The following KRAS variants were observed in gnomAD, a reference collection of about 807,000 sequenced individuals.
The protein encoded by KRAS is GTPase KRas.
In KRAS, 1 loss-of-function variant was observed where a neutral mutation model predicts 21.0. The observed-to-expected ratio is 0.05, with a 90% CI of 0.02 to 0.23. KRAS has a LOEUF of 0.23. Ranked by LOEUF, KRAS falls within the 10% of genes least tolerant of loss-of-function variation. The probability of loss-of-function intolerance (pLI) is 1.00; values close to 1 mark genes in which losing one functional copy is unlikely to be tolerated. For missense variants in KRAS, 107 were observed against 221.8 expected, an observed-to-expected ratio of 0.48 and a Z score of 3.29; for synonymous variants, 67 against 72.5, an observed-to-expected ratio of 0.92 and a Z score of 0.39.
chr12:25,218,037 A>G (rs1263447219), intron 4 of KRAS, among the ~76,000 whole-genome samples: 1 of 152,236 alleles, frequency 6.6e-6, no homozygotes, highest in Non-Finnish European at 1.5e-5. Context: ...TTAAGGCACT[A>G]AAATAACTTT....
intron 2 of KRAS, among the ~76,000 whole-genome samples, chr12:25,231,469 G>A (rs1951469763): frequency 6.6e-6 from 1 of 152,060 alleles, no homozygotes; most frequent in African/African-American, 2.4e-5. Flanking sequence ...TAGGTCCTAA[G>A]CATTTCAGAT....
chr12:25,228,601 G>C (rs1277216835), intron 2 of KRAS, among the ~76,000 whole-genome samples: 1 of 152,080 alleles, frequency 6.6e-6, no homozygotes, highest in Non-Finnish European at 1.5e-5. Flanking sequence ...GATTACCAGG[G>C]GCTGGGGGAG....
chr12:25,237,102 G>A (rs1282309269), intron 2 of KRAS, among the ~76,000 whole-genome samples: 2 of 152,100 alleles, frequency 1.3e-5, no homozygotes, highest in South Asian at 2.1e-4. Flanking sequence ...AAACATAGAC[G>A]AACTCTGAAA....
rs1353686861 is a variant in KRAS at position 25,206,828 on chromosome 12, T to G, written c.*2967A>C. On this transcript the variant is annotated 3_prime_UTR_variant, in exon 5 of 5. Coordinates refer to ENST00000311936, the MANE Select transcript of KRAS (RefSeq NM_004985.5). ...TTTTTAAGTATATTTTAATTACTTA[T>G]GCAGAGAAAACTGGAATATTACACA... 5.0e-6 allele frequency: 1 copy of G among 199,036 alleles called. No homozygotes were observed. Among genetic ancestry groups the G allele is most frequent in the Non-Finnish European group, 1.0e-5 (1 of 96,414 alleles). 12.3% of individuals were successfully genotyped at this position (199,036 alleles called of 1,614,324 possible). A position where few individuals can be genotyped will look rare whatever the true frequency, so the allele number is the denominator to read the frequency against.
intron 1 of KRAS, among the ~76,000 whole-genome samples, chr12:25,247,860 G>A (rs1396353712): frequency 6.6e-6 from 1 of 151,996 alleles, no homozygotes; most frequent in African/African-American, 2.4e-5. Flanking sequence ...ACTTTTCTAA[G>A]TTTTGGTTTT....
rs1266271294 is a variant in KRAS, at chr12:25,250,885, A to ACTGCCGCCGCCGCCG, written c.-147_-146insCGGCGGCGGCGGCAG. 1.6e-5 allele frequency: 4 copies of ACTGCCGCCGCCGCCG among 244,612 alleles called. No homozygotes were observed. The highest frequency in any genetic ancestry group is 6.8e-5 in the African/African-American group (3 of 43,836). The allele number at this position is 244,612 out of a possible 1,614,324, so 15.2% of individuals were successfully genotyped here. ...AGCCGCCGCCACCTTCGCCGCCGCC[A>ACTGCCGCCGCCGCCG]CTGCCGCCGCCGCTGCTGCCTCCGC... On this transcript the variant is annotated 5_prime_UTR_variant, in exon 1 of 5. Transcript: ENST00000311936.
rs907034140 is a variant in KRAS at position 25,205,824 on chromosome 12, A to C, written c.*3971T>G. On this transcript the variant is annotated 3_prime_UTR_variant, in exon 5 of 5. Transcript: ENST00000311936. ...AAACACAGATCTTAATCTAGTTATG[A>C]CTATTCTTCAAGAACTCATGTGAGT... 1 of 215,048 alleles carries C rather than the reference A, an allele frequency of 4.7e-6. No homozygotes were observed. Among genetic ancestry groups the C allele is most frequent in the Non-Finnish European group, 9.4e-6 (1 of 106,650 alleles). 13.3% of individuals were successfully genotyped at this position (215,048 alleles called of 1,614,324 possible). A position where few individuals can be genotyped will look rare whatever the true frequency, so the allele number is the denominator to read the frequency against.
At chr12:25,217,315 T>G (rs4246231) in intron 4 of KRAS, among the ~76,000 whole-genome samples, 152,056 of 152,306 alleles carry the variant, frequency 1, 75,904 homozygotes, top group Non-Finnish European at 1. Flanking sequence ...AATCTCAGAA[T>G]TATATTAAGA....
chr12:25,231,904 G>A (rs11047909), intron 2 of KRAS, among the ~76,000 whole-genome samples: 54,725 of 151,882 alleles, frequency 0.36, 11,696 homozygotes, highest in East Asian at 0.79. Context: ...GAAAACAAAC[G>A]CAACAAAAAT....
At position 25,209,385 on chromosome 12, in the gene KRAS, G is replaced by A; in HGVS notation, c.*410C>T. On this transcript the variant is annotated 3_prime_UTR_variant, in exon 5 of 5. Transcript: ENST00000311936. ...TGTTTCAGTAAAAACCAATTAGAAG[G>A]TCTCAACTGAAATTAGTAATTAATC... 1.4e-6 allele frequency: 1 copy of A among 716,890 alleles called. No individual in the cohort carries two copies. Among genetic ancestry groups the A allele is most frequent in the Non-Finnish European group, 2.1e-6 (1 of 479,680 alleles). 44.4% of individuals were successfully genotyped at this position (716,890 alleles called of 1,614,324 possible).
intron 2 of KRAS, among the ~76,000 whole-genome samples, chr12:25,242,558 T>C (rs557480566): frequency 2.0e-5 from 3 of 152,222 alleles, no homozygotes; most frequent in African/African-American, 4.8e-5. Context: ...GATAACAATA[T>C]ATACTTCACA....
intron 4 of KRAS, among the ~76,000 whole-genome samples, chr12:25,214,386 AC>A (rs1951231427): frequency 1.6e-5 from 1 of 63,580 alleles, no homozygotes; most frequent in African/African-American, 5.9e-5. Flanking sequence ...AGCTAAAATG[AC>A]TTTTTTTTTT....
Position 25,208,100 on chromosome 12 carries a change from TAC to T in KRAS, c.*1693_*1694del, listed in dbSNP as rs1017405488. 2 of 233,316 alleles carry T rather than the reference TAC, an allele frequency of 8.6e-6. No homozygotes were observed. The highest frequency in any genetic ancestry group is 1.7e-5 in the Non-Finnish European group (2 of 117,980). The allele number at this position is 233,316 out of a possible 1,614,324, so 14.5% of individuals were successfully genotyped here. A position where few individuals can be genotyped will look rare whatever the true frequency, so the allele number is the denominator to read the frequency against. ...GATGGTGTAACATAGGTTAAAAATTTACAGATTGTGCTGAGCTTGACAAATAA... is the reference window on the plus strand; with the variant it reads ...GATGGTGTAACATAGGTTAAAAATTTAGATTGTGCTGAGCTTGACAAATAA... On this transcript the variant is annotated 3_prime_UTR_variant, in exon 5 of 5. Transcript: ENST00000311936.
intron 4 of KRAS, among the ~76,000 whole-genome samples, chr12:25,223,031 CCTT>C (rs559498968): frequency 3.2e-4 from 49 of 152,154 alleles, no homozygotes; most frequent in Admixed American, 5.2e-4. Context: ...CCCACCTAAA[CCTT>C]CTGAATTAGA....
chr12:25,212,005 T>C (rs1951204606), intron 4 of KRAS, among the ~76,000 whole-genome samples: 2 of 152,220 alleles, frequency 1.3e-5, no homozygotes, highest in African/African-American at 4.8e-5. Context: ...CATATATGTA[T>C]GTGTATGTAT....
At chr12:25,250,663 T>A in intron 1 of KRAS, 88 bp downstream of exon 1, 1 of 147,640 alleles carries the variant, frequency 6.8e-6, no homozygotes, top group Non-Finnish European at 1.5e-5. Context: ...GGACCCCTAA[T>A]TCATTCACTC....
chr12:25,238,597 C>A (rs1394735913), intron 2 of KRAS, among the ~76,000 whole-genome samples: 5 of 152,070 alleles, frequency 3.3e-5, no homozygotes, highest in African/African-American at 1.2e-4. Flanking sequence ...ATGGTATAAG[C>A]TTATTTTAAA....
Position 25,209,185 on chromosome 12 carries a change from CT to C in KRAS, c.*609del. 1.5e-6 allele frequency: 1 copy of C among 657,356 alleles called. No individual in the cohort carries two copies. Among genetic ancestry groups the C allele is most frequent in the South Asian group, 1.7e-5 (1 of 57,146 alleles). The allele number at this position is 657,356 out of a possible 1,614,324, so 40.7% of individuals were successfully genotyped here. On this transcript the variant is annotated 3_prime_UTR_variant, in exon 5 of 5. Transcript: ENST00000311936. ...CCTTGTAATTTTTTTCCATTTTTTT[CT>C]TTTTATAGAAAAAATATAATATTTT...
intron 4 of KRAS, among the ~76,000 whole-genome samples, chr12:25,224,319 C>CA (rs1951363476): frequency 6.6e-6 from 1 of 151,814 alleles, no homozygotes; most frequent in South Asian, 2.1e-4. Flanking sequence ...GAAGATCTTC[C>CA]AGTGGGACAA....
Sources: allele counts gnomAD v4.1 joint callset (sites outside exome capture counted in the v4.1 genomes callset), GRCh38; gene constraint gnomAD v4.1.1; transcripts MANE v1.5; gene names NCBI Gene and HGNC (gene_info 2026-07-23, HGNC 2026-07-21).